Variants in FBN2 observed in about 807,000 individuals in gnomAD.
FBN2 encodes fibrillin 2.
A neutral mutation model predicts 355.6 loss-of-function variants in FBN2; 105 were observed. That is an observed-to-expected ratio of 0.30 (90% confidence interval 0.25 to 0.35). FBN2 has a LOEUF of 0.35. Ranked by LOEUF, FBN2 falls within the 10% of genes least tolerant of loss-of-function variation. FBN2 has a pLI of 1.00. For missense variants in FBN2, 3,280 were observed against 3,758.7 expected (o/e 0.87, Z 3.33); for synonymous variants, 1,350 against 1,301.2 (o/e 1.04, Z -0.81).
chr5:128,266,070 A>G (rs1182647319), intron 62 of FBN2, among the ~76,000 whole-genome samples: 2 of 152,200 alleles, frequency 1.3e-5, no homozygotes, highest in African/African-American at 4.8e-5. Context: ...TTCTTTTGCT[A>G]ACTTGTTGCT....
Position 128,377,852 on chromosome 5 carries a change from C to T in FBN2, c.1749G>A (p.Gly583=), listed in dbSNP as rs75940000. 1.1e-4 allele frequency: 171 copies of T among 1,613,410 alleles called. No individual in the cohort carries two copies. In the African/African-American group the frequency reaches 2.1e-3, roughly 20 times the overall value. The part of the protein sequence containing the change: ...CIDIDECIQN[G]VLCKNGRCVN... The stretch of plus-strand genomic sequence containing the variant: ...CGCATCGACCGTTTTTACAAAGAAC[C>T]CCATTCTGGATGCACTCATCAATAT... The change falls in exon 13 of 65, where the codon GGG becomes GGA. Residue 583 remains glycine (G), a synonymous_variant. Coordinates refer to ENST00000262464, the MANE Select transcript of FBN2 (RefSeq NM_001999.4).
chr5:128,422,535 G>A (rs936393528), intron 7 of FBN2, among the ~76,000 whole-genome samples: 7 of 152,166 alleles, frequency 4.6e-5, no homozygotes, highest in Non-Finnish European at 8.8e-5. Flanking sequence ...TCAGGAAAGA[G>A]AAGAGATCCC....
intron 7 of FBN2, among the ~76,000 whole-genome samples, chr5:128,432,459 C>G (rs1180307895): frequency 6.6e-6 from 1 of 152,170 alleles, no homozygotes; most frequent in African/African-American, 2.4e-5. Context: ...TGGAACACAG[C>G]CTCACTCATT....
At chr5:128,430,322 C>T in intron 7 of FBN2, among the ~76,000 whole-genome samples, 1 of 151,596 alleles carries the variant, frequency 6.6e-6, no homozygotes, top group East Asian at 1.9e-4. Context: ...TAAAAGAATT[C>T]TCTTATGTTG....
At chr5:128,433,704 T>G (rs1423823067) in intron 7 of FBN2, among the ~76,000 whole-genome samples, 1 of 152,200 alleles carries the variant, frequency 6.6e-6, no homozygotes, top group African/African-American at 2.4e-5. Context: ...TGGTTAATAA[T>G]GCCCAAATTT....
intron 7 of FBN2, among the ~76,000 whole-genome samples, chr5:128,429,013 A>G (rs1753552138): frequency 6.6e-6 from 1 of 152,180 alleles, no homozygotes; most frequent in Non-Finnish European, 1.5e-5. Flanking sequence ...AGTTGCATGG[A>G]CAGAGCCCCT....
chr5:128,303,135 A>T (rs1451373588), intron 45 of FBN2, 46 bp from the exon 46 acceptor site: 1 of 1,120,740 alleles, frequency 8.9e-7, no homozygotes, highest in Non-Finnish European at 1.4e-6. Context: ...TAACTAGAAA[A>T]AAATGGGCTA....
chr5:128,440,435 A>T (rs1243501921), intron 7 of FBN2, among the ~76,000 whole-genome samples: 1 of 152,216 alleles, frequency 6.6e-6, no homozygotes, highest in Non-Finnish European at 1.5e-5. Context: ...GGAAGCAGGC[A>T]CCTGGCCAGA....
intron 45 of FBN2, 141 bp from the exon 46 acceptor site, chr5:128,303,230 G>T: frequency 1.5e-6 from 1 of 658,490 alleles, no homozygotes; most frequent in Non-Finnish European, 2.7e-6. Context: ...TGAGGAAAAT[G>T]AGTAAGAGAT....
chr5:128,522,363 T>C (rs1464942884), intron 4 of FBN2, among the ~76,000 whole-genome samples: 1 of 152,144 alleles, frequency 6.6e-6, no homozygotes, highest in Admixed American at 6.5e-5. Context: ...AGTGAACAAA[T>C]AATGAGCTCT....
At chr5:128,263,248 C>T (rs901051368) in intron 63 of FBN2, among the ~76,000 whole-genome samples, 177 bp downstream of exon 63, 12 of 152,212 alleles carry the variant, frequency 7.9e-5, no homozygotes, top group African/African-American at 2.2e-4. Context: ...TAATGCTATA[C>T]CCTGAGCACA....
intron 23 of FBN2, among the ~76,000 whole-genome samples, chr5:128,346,060 G>A (rs951167547): frequency 1.4e-5 from 2 of 147,724 alleles, no homozygotes; most frequent in Non-Finnish European, 3.0e-5. Context: ...TACATTTAAA[G>A]TTTTTTTTTT....
chr5:128,363,276 C>T (rs368604726), intron 18 of FBN2, among the ~76,000 whole-genome samples: 11 of 152,024 alleles, frequency 7.2e-5, no homozygotes, highest in Admixed American at 1.3e-4. Flanking sequence ...CTGCAGCCTC[C>T]GCATCCCGGG....
chr5:128,400,250 A>T (rs972224074), intron 8 of FBN2, among the ~76,000 whole-genome samples: 2 of 152,056 alleles, frequency 1.3e-5, no homozygotes, highest in African/African-American at 4.8e-5. Context: ...AAATATTTAG[A>T]AATAGACCAC....
intron 42 of FBN2, among the ~76,000 whole-genome samples, chr5:128,306,265 G>C (rs1028617787): frequency 6.6e-6 from 1 of 152,092 alleles, no homozygotes; most frequent in Admixed American, 6.6e-5. Flanking sequence ...TGTTTAAAAA[G>C]CTATGTTTTC....
Position 128,508,569 on chromosome 5 carries a change from T to C in FBN2, c.628+10704A>G, listed in dbSNP as rs566698215. 3.3e-5 allele frequency among the ~76,000 whole-genome samples: 5 copies of C among 152,142 alleles called. No individual in the cohort carries two copies. The East Asian group carries it at 5.8e-4, about 18-fold the overall frequency. The stretch of plus-strand genomic sequence containing the variant: ...ACCACCACATCTACTCTACACCCCA[T>C]AGGACATTGTAATTAATTTTTGTTC... On this transcript the variant is annotated intron_variant, in intron 5 of 64. Coordinates refer to ENST00000262464, the MANE Select transcript of FBN2 (RefSeq NM_001999.4).
chr5:128,285,782 C>A (rs1749131168), intron 55 of FBN2, among the ~76,000 whole-genome samples: 1 of 152,102 alleles, frequency 6.6e-6, no homozygotes, highest in African/African-American at 2.4e-5. Flanking sequence ...AACAACATAT[C>A]TTTAAATGTA....
Position 128,335,293 on chromosome 5 carries a change from T to C in FBN2, c.3850A>G (p.Ile1284Val), listed in dbSNP as rs781013914. ...LMPDGRSCADIDECENNPDIC... is the reference protein window; with the variant it reads ...LMPDGRSCADVDECENNPDIC... ...TCAGGATTGTTTTCACATTCATCAA[T>C]GTCTGATGATACAAAATTAGCATCA... Residue 1284 changes from isoleucine to valine, a missense_variant and splice_region_variant, in exon 30 of 65, where the codon ATT becomes GTT. Physicochemically the swap from Ile to Val is conservative, Grantham distance 29 (BLOSUM62 3). This residue lies in a region of FBN2 where 2,284 missense variants were observed against 2,749.5 expected (regional missense o/e 0.83). Coordinates refer to ENST00000262464, the MANE Select transcript of FBN2 (RefSeq NM_001999.4). 1.9e-6 allele frequency: 3 copies of C among 1,613,976 alleles called. No homozygotes were observed. Among genetic ancestry groups the C allele is most frequent in the African/African-American group, 2.7e-5 (2 of 74,938 alleles).
At chr5:128,372,225 T>C (rs1751962697) in intron 15 of FBN2, among the ~76,000 whole-genome samples, 1 of 152,204 alleles carries the variant, frequency 6.6e-6, no homozygotes, top group African/African-American at 2.4e-5. Flanking sequence ...TGACTTTTCT[T>C]CCTTACTTAC....
Sources: gnomAD v4.1 joint callset for allele counts (sites outside exome capture counted in the v4.1 genomes callset) on GRCh38, gnomAD v4.1.1 for gene constraint, gnomAD v4.1.1 regional missense constraint, MANE v1.5 for transcripts, NCBI Gene and HGNC (gene_info 2026-07-23, HGNC 2026-07-21) for gene names.